NBPF9: variants seen among roughly 807,000 people sequenced by gnomAD.
NBPF9 encodes the protein NBPF family member NBPF9.
In NBPF9, 91 loss-of-function variants were observed where a neutral mutation model predicts 97.8. The ratio of observed to expected loss-of-function variants is 0.93; its 90% CI spans 0.79 to 1.11. The LOEUF (loss-of-function observed/expected upper bound fraction) is 1.11, where lower values mean the gene tolerates loss of function less well. Among genes scored for constraint, NBPF9 ranks in the 50% least tolerant of loss-of-function variants. NBPF9 has a pLI of 0.00. For synonymous variants in NBPF9, 334 were observed against 359.5 expected, an observed-to-expected ratio of 0.93 and a Z score of 0.80; for missense variants, 992 against 939.5, an observed-to-expected ratio of 1.06 and a Z score of -0.73.
At chr1:149,096,961 G>A (rs2081803066) in intron 4 of NBPF9, among the ~76,000 whole-genome samples, 1 of 147,304 alleles carries the variant, frequency 6.8e-6, no homozygotes, top group Admixed American at 6.8e-5. Flanking sequence ...GTGCAGTGTG[G>A]TCTATTTAAA....
rs1432199437 is a variant in NBPF9, at chr1:149,075,688, C to T, written c.955G>A (p.Ala319Thr). ...TTCTGCTGGTTGGCCAGGAAGCCGG[C>T]CAGTTGAGTTAGAAAACATTTCTCT... Residue 319 changes from alanine (A) to threonine (T), a missense_variant, in exon 12 of 30, where the codon GCC becomes ACC. Ala to Thr is a moderately conservative substitution (Grantham distance 58). This residue lies in a region of NBPF9 where 187 missense variants were observed against 149.6 expected (regional missense o/e 1.25). Coordinates refer to ENST00000584027, the Ensembl canonical transcript of NBPF9. The T allele has an allele frequency of 8.1e-6, 13 of 1,607,816 alleles. No homozygotes were observed. In the Admixed American group the frequency reaches 1.5e-4, roughly 19 times the overall value.
intron 18 of NBPF9, 175 bp from the exon 19 acceptor site, chr1:149,064,657 G>T (rs2078909234): frequency 4.9e-6 from 3 of 615,590 alleles, no homozygotes; most frequent in East Asian, 5.7e-5. Context: ...ACTGGCTTGG[G>T]TTCTTTCATG....
Position 149,086,168 on chromosome 1 carries a change from A to T in NBPF9, c.-194-3738T>A, listed in dbSNP as rs1349212678. Among the ~76,000 whole-genome samples, 14 of 149,972 alleles carry T rather than the reference A, an allele frequency of 9.3e-5. No homozygotes were observed. In the East Asian group the frequency reaches 2.2e-3, roughly 23 times the overall value. ...TCTATCATTCCGCGTTTGGGCTATT[A>T]TGAAGAAACTATCATGAGCATCCAT... On this transcript the variant is annotated intron_variant, in intron 5 of 29. Coordinates refer to ENST00000584027, the Ensembl canonical transcript of NBPF9.
At chr1:149,088,161 T>C (rs1252050972) in intron 5 of NBPF9, among the ~76,000 whole-genome samples, 1 of 152,280 alleles carries the variant, frequency 6.6e-6, no homozygotes, top group Non-Finnish European at 1.5e-5. Context: ...ACAACATGTA[T>C]TTAGATGTTA....
At chr1:149,081,066 G>C (rs1345768067) in intron 7 of NBPF9, among the ~76,000 whole-genome samples, 1 of 151,886 alleles carries the variant, frequency 6.6e-6, no homozygotes, top group Non-Finnish European at 1.5e-5. Flanking sequence ...CCAGGAAGCA[G>C]GACTTCACTC....
rs1311479006 is a variant in NBPF9, at chr1:149,083,090, G to A, written c.-194-660C>T. On this transcript the variant is annotated intron_variant, in intron 5 of 29. Transcript: ENST00000584027. ...CCCAAAGTGCTGGGATTACAGGCGT[G>A]AGCCACCGCGCCCGGCCGACTTCTC... is the stretch of plus-strand genomic sequence containing the variant. Among the ~76,000 whole-genome samples, 538 of 150,702 alleles carry A rather than the reference G, an allele frequency of 3.6e-3. 5 individuals are homozygous for A. The highest frequency in any genetic ancestry group is 4.4e-3 in the Non-Finnish European group (299 of 67,850).
intron 3 of NBPF9, among the ~76,000 whole-genome samples, chr1:149,100,943 A>G (rs1159838503): frequency 6.6e-6 from 1 of 152,132 alleles, no homozygotes; most frequent in Non-Finnish European, 1.5e-5. Flanking sequence ...GAAAAAAAAA[A>G]AAAGAAATGC....
At chr1:149,080,254 C>G in intron 7 of NBPF9, 99 bp from the exon 8 acceptor site, 2 of 684,252 alleles carry the variant, frequency 2.9e-6, no homozygotes, top group Non-Finnish European at 5.2e-6. Flanking sequence ...AAGGACAAAA[C>G]TCTCCCCAGT....
At chr1:149,080,669 A>G (rs1384073731) in intron 7 of NBPF9, among the ~76,000 whole-genome samples, 2 of 149,402 alleles carry the variant, frequency 1.3e-5, no homozygotes, top group African/African-American at 2.5e-5. Context: ...TCTGAAGCAT[A>G]AAGTGTGAGA....
At chr1:149,097,158 TGGGAGAGAAGTAGGGAA>T (rs1401423645) in intron 4 of NBPF9, among the ~76,000 whole-genome samples, 4 of 128,704 alleles carry the variant, frequency 3.1e-5, no homozygotes, top group Non-Finnish European at 5.0e-5. Flanking sequence ...AGAAAAAGAG[TGGGAGAGAAGTAGGGAA>T]GGGAGAGAAG....
intron 15 of NBPF9, 102 bp from the exon 16 acceptor site, chr1:149,071,241 T>C (rs1385292563): frequency 2.9e-5 from 37 of 1,262,438 alleles, no homozygotes; most frequent in Non-Finnish European, 4.0e-5. Flanking sequence ...AAGAGAGTGG[T>C]CCCAGAAAGC....
chr1:149,079,732 T>G (rs1247344254), intron 8 of NBPF9, among the ~76,000 whole-genome samples: 46 of 151,560 alleles, frequency 3.0e-4, no homozygotes, highest in Non-Finnish European at 5.2e-4. Flanking sequence ...TAAGGGTAAG[T>G]GGGGTGGCAA....
intron 1 of NBPF9, among the ~76,000 whole-genome samples, 166 bp from the exon 2 acceptor site, chr1:149,103,013 C>T (rs377346451): frequency 2.0e-5 from 3 of 151,800 alleles, no homozygotes; most frequent in African/African-American, 7.2e-5. Context: ...CGAGGACGTG[C>T]CCCCGAAGCT....
At chr1:149,071,388 G>C (rs2079396104) in intron 15 of NBPF9, among the ~76,000 whole-genome samples, 1 of 149,852 alleles carries the variant, frequency 6.7e-6, no homozygotes, top group African/African-American at 2.5e-5. Context: ...GGAGGATGAA[G>C]ACTCAGCTAT....
chr1:149,057,744 C>CAA (rs1575821159), intron 27 of NBPF9, among the ~76,000 whole-genome samples: 1 of 103,918 alleles, frequency 9.6e-6, no homozygotes, highest in Non-Finnish European at 2.1e-5. Context: ...CACACACACA[C>CAA]ACACACACAG....
At chr1:149,082,957 C>CTTTTTTTTTTTTTTTTTTTTTT (rs1157992196) in intron 5 of NBPF9, among the ~76,000 whole-genome samples, 9 of 66,456 alleles carry the variant, frequency 1.4e-4, no homozygotes, top group Admixed American at 4.8e-4. Flanking sequence ...TTTTTCTTTT[C>CTTTTTTTTTTTTTTTTTTTTTT]TTTTTTTTTT....
chr1:149,055,302 C>T (rs1241540191), exon 30 of NBPF9: 2 of 427,666 alleles, frequency 4.7e-6, no homozygotes, highest in East Asian at 1.1e-4. Flanking sequence ...GAGCTAAACA[C>T]AAAGATGACA....
chr1:149,075,550 T>C (rs2079786542), intron 12 of NBPF9, 105 bp downstream of exon 12: 30 of 1,381,710 alleles, frequency 2.2e-5, no homozygotes, highest in Middle Eastern at 5.0e-4. Context: ...TTCCTAGAAG[T>C]ATGGGGAGGA....
chr1:149,097,060 GGGAAGGAAGGAGGAAGGGAGGAAGGAA>G (rs1339760188), intron 4 of NBPF9, among the ~76,000 whole-genome samples: 1 of 145,406 alleles, frequency 6.9e-6, no homozygotes, highest in African/African-American at 2.7e-5. Flanking sequence ...AATGGAGGGA[GGGAAGGAAGGAGGAAGGGAGGAAGGAA>G]GGAAGGAAGG....
Sources: gnomAD v4.1 joint callset for allele counts (sites outside exome capture counted in the v4.1 genomes callset) on GRCh38, gnomAD v4.1.1 for gene constraint, gnomAD v4.1.1 regional missense constraint, MANE v1.5 for transcripts, NCBI Gene and HGNC (gene_info 2026-07-23, HGNC 2026-07-21) for gene names.